The following BAZ2B variants were observed in gnomAD, a reference collection of about 807,000 sequenced individuals.
BAZ2B encodes bromodomain adjacent to zinc finger domain 2B.
In BAZ2B, 91 loss-of-function variants were observed where a neutral mutation model predicts 246.0. The observed-to-expected ratio is 0.37, with a 90% CI of 0.31 to 0.44. BAZ2B has a LOEUF of 0.44. BAZ2B is among the 20% of genes least tolerant of loss of function. The probability of loss-of-function intolerance (pLI) is 1.00; values close to 1 mark genes in which losing one functional copy is unlikely to be tolerated. For synonymous variants in BAZ2B, 855 were observed against 860.0 expected (o/e 0.99, Z 0.10); for missense variants, 2,332 against 2,533.7 (o/e 0.92, Z 1.71).
At chr2:159,584,333 G>A (rs190825382) in intron 1 of BAZ2B, among the ~76,000 whole-genome samples, 101 of 152,252 alleles carry the variant, frequency 6.6e-4, no homozygotes, top group African/African-American at 2.4e-3. Context: ...TGTTGGCCAA[G>A]ATGGTCTCCA....
chr2:159,356,533 G>A lies in BAZ2B; in HGVS notation c.4214-6176C>T, dbSNP rs2059132418. On this transcript the variant is annotated intron_variant, in intron 27 of 36. Coordinates refer to ENST00000392783, the MANE Select transcript of BAZ2B (RefSeq NM_013450.4). ...AACTCCCATCTCCCTGGGGGAAGAT[G>A]CAGCTGTGGGCACAGCTTCAGCAGA... 2.0e-5 allele frequency among the ~76,000 whole-genome samples: 3 copies of A among 152,204 alleles called. No homozygotes were observed. In the South Asian group the frequency reaches 6.2e-4, roughly 31 times the overall value.
At chr2:159,344,999 C>A (rs544878670) in intron 31 of BAZ2B, among the ~76,000 whole-genome samples, 30 of 152,112 alleles carry the variant, frequency 2.0e-4, no homozygotes, top group Non-Finnish European at 3.2e-4. Context: ...GATCTGAGGT[C>A]GGGAGTTTGA....
Position 159,519,210 on chromosome 2 carries a change from C to CTTTTTTTTTTTTTTT in BAZ2B, c.-3+36598_-3+36612dup, listed in dbSNP as rs564614568. Among the ~76,000 whole-genome samples, 104 of 57,774 alleles carry CTTTTTTTTTTTTTTT rather than the reference C, an allele frequency of 1.8e-3. 23 individuals carry two copies. Among genetic ancestry groups the CTTTTTTTTTTTTTTT allele is most frequent in the Non-Finnish European group, 2.8e-3 (82 of 29,634 alleles). 37.9% of individuals were successfully genotyped at this position (57,774 alleles called of 152,430 possible). ...AAATTCCAACTTCATATTCTATTTT[C>CTTTTTTTTTTTTTTT]TTTTTTTTTTTTTTTTTTTTTTTTT... On this transcript the variant is annotated intron_variant, in intron 2 of 36. Coordinates refer to ENST00000392783, the MANE Select transcript of BAZ2B (RefSeq NM_013450.4).
chr2:159,427,209 A>G (rs1006300813), intron 13 of BAZ2B, among the ~76,000 whole-genome samples: 42 of 152,262 alleles, frequency 2.8e-4, no homozygotes, highest in African/African-American at 9.6e-4. Flanking sequence ...GACCCCTTTC[A>G]ATGCAGCTAA....
At chr2:159,671,129 AC>A in the BAZ2B span, among the ~76,000 whole-genome samples, 2 of 152,178 alleles carry the variant, frequency 1.3e-5, no homozygotes, top group African/African-American at 4.8e-5. Flanking sequence ...TCTAAACTGC[AC>A]CTCAATATGC....
rs2062545885 is a variant in BAZ2B, at chr2:159,320,229, G to C, written c.*36C>G. ...CACATTGCTGGTCTCATTTGTCCTTGTTTAGAAGGAAAAAAATAAAGAGAT... is the reference window on the plus strand; with the variant it reads ...CACATTGCTGGTCTCATTTGTCCTTCTTTAGAAGGAAAAAAATAAAGAGAT... On this transcript the variant is annotated 3_prime_UTR_variant, in exon 37 of 37. Coordinates refer to ENST00000392783, the MANE Select transcript of BAZ2B (RefSeq NM_013450.4). 18 of 1,483,264 alleles carry C rather than the reference G, an allele frequency of 1.2e-5. No individual in the cohort carries two copies. Among genetic ancestry groups the C allele is most frequent in the Non-Finnish European group, 1.5e-5 (17 of 1,123,094 alleles). 91.9% of individuals were successfully genotyped at this position (1,483,264 alleles called of 1,614,324 possible). A position where few individuals can be genotyped will look rare whatever the true frequency, so the allele number is the denominator to read the frequency against.
intron 2 of BAZ2B, among the ~76,000 whole-genome samples, chr2:159,538,710 GT>G (rs1174272259): frequency 6.6e-6 from 1 of 152,196 alleles, no homozygotes; most frequent in Non-Finnish European, 1.5e-5. Context: ...CAATTCCTTT[GT>G]TTATAATCAT....
chr2:159,368,083 T>A (rs1456250389), intron 27 of BAZ2B, among the ~76,000 whole-genome samples: 4 of 152,200 alleles, frequency 2.6e-5, no homozygotes, highest in Non-Finnish European at 5.9e-5. Flanking sequence ...GTGCTGTATC[T>A]TTCCAATTAG....
chr2:159,685,902 A>C, the BAZ2B span, among the ~76,000 whole-genome samples: 2 of 152,270 alleles, frequency 1.3e-5, no homozygotes, highest in South Asian at 2.1e-4. Flanking sequence ...CCTTCCTTTC[A>C]GAGTGGGCTG....
intron 27 of BAZ2B, among the ~76,000 whole-genome samples, chr2:159,354,398 T>A (rs2058868288): frequency 6.6e-6 from 1 of 152,208 alleles, no homozygotes; most frequent in Admixed American, 6.5e-5. Flanking sequence ...GTCACCCAGG[T>A]AGAGTGCAGT....
At chr2:159,409,567 C>A (rs916532205) in intron 14 of BAZ2B, among the ~76,000 whole-genome samples, 10 of 152,114 alleles carry the variant, frequency 6.6e-5, no homozygotes, top group Admixed American at 6.5e-4. Context: ...AAACTTTCTT[C>A]AAATTAAGTC....
chr2:159,550,880 G>A (rs1372603592), intron 2 of BAZ2B, among the ~76,000 whole-genome samples: 1 of 152,078 alleles, frequency 6.6e-6, no homozygotes, highest in Non-Finnish European at 1.5e-5. Flanking sequence ...CTGTAGCCTA[G>A]GCTGGAGTAC....
chr2:159,687,201 A>C, the BAZ2B span, among the ~76,000 whole-genome samples: 1 of 152,126 alleles, frequency 6.6e-6, no homozygotes, highest in Non-Finnish European at 1.5e-5. Context: ...TCCTGGCACA[A>C]ACTTTATAAA....
intron 25 of BAZ2B, among the ~76,000 whole-genome samples, chr2:159,381,322 C>A (rs1559182736): frequency 6.6e-6 from 1 of 152,048 alleles, no homozygotes; most frequent in African/African-American, 2.4e-5. Context: ...AATAAATAAT[C>A]ATTTCCTGTC....
At chr2:159,446,009 G>A (rs931811476) in intron 6 of BAZ2B, among the ~76,000 whole-genome samples, 1 of 152,124 alleles carries the variant, frequency 6.6e-6, no homozygotes, top group African/African-American at 2.4e-5. Flanking sequence ...AGCTTCTAGG[G>A]AAGCTAAGGT....
intron 2 of BAZ2B, among the ~76,000 whole-genome samples, chr2:159,519,454 T>C (rs371076888): frequency 6.7e-6 from 1 of 148,856 alleles, no homozygotes; most frequent in Non-Finnish European, 1.5e-5. Flanking sequence ...ATGGTCTCGA[T>C]CTCCTGACCT....
the BAZ2B span, among the ~76,000 whole-genome samples, chr2:159,703,263 AT>A: frequency 3.4e-5 from 5 of 146,866 alleles, no homozygotes; most frequent in African/African-American, 2.5e-5. Context: ...AATTTTTGTT[AT>A]TTTTTTTTTA....
chr2:159,431,231 C>A, intron 9 of BAZ2B, 75 bp from the exon 10 acceptor site: 26 of 1,503,956 alleles, frequency 1.7e-5, no homozygotes, highest in Non-Finnish European at 2.2e-5. Flanking sequence ...TCTAAATGGA[C>A]TAGCTCAGGA....
chr2:159,456,573 T>C (rs2075799978), intron 3 of BAZ2B, among the ~76,000 whole-genome samples: 1 of 152,098 alleles, frequency 6.6e-6, no homozygotes, highest in Admixed American at 6.5e-5. Context: ...GCTGTATACA[T>C]CACAGATTCA....
Sources: gnomAD v4.1 joint callset for allele counts (sites outside exome capture counted in the v4.1 genomes callset) on GRCh38, gnomAD v4.1.1 for gene constraint, MANE v1.5 for transcripts, NCBI Gene and HGNC (gene_info 2026-07-23, HGNC 2026-07-21) for gene names.